CNTN3: variants seen among roughly 807,000 people sequenced by gnomAD.
CNTN3 encodes contactin 3.
Under a neutral mutation model 119.1 loss-of-function variants are expected in CNTN3, and 60 were observed. The observed-to-expected ratio is 0.50, with a 90% CI of 0.41 to 0.62. The LOEUF (loss-of-function observed/expected upper bound fraction) is 0.62. CNTN3 is among the 20% of genes least tolerant of loss of function. The pLI, the probability that CNTN3 is intolerant of heterozygous loss-of-function variation, is 0.00. For synonymous variants in CNTN3, 450 were observed against 438.7 expected (o/e 1.03, Z -0.32); for missense variants, 1,101 against 1,242.4 (o/e 0.89, Z 1.71).
chr3:74,266,599 A>T lies in CNTN3; in HGVS notation c.2868T>A (p.Asn956Lys). 1 of 1,613,548 alleles carries T rather than the reference A, an allele frequency of 6.2e-7. No individual in the cohort carries two copies. Among genetic ancestry groups the T allele is most frequent in the Non-Finnish European group, 8.5e-7 (1 of 1,179,596 alleles). ...SQNNVQVLNT[N>K]KTSAELVLPI... Reference sequence around the variant, plus strand: ...GCAGCACAAGTTCAGCTGAAGTTTTATTTGTGTTCAGTACTTGTACGTTAT... The same window carrying T: ...GCAGCACAAGTTCAGCTGAAGTTTTTTTTGTGTTCAGTACTTGTACGTTAT... Residue 956 changes from asparagine to lysine, a missense_variant, in exon 22 of 23, where the codon AAT becomes AAA. Asn to Lys is a moderately conservative substitution (Grantham distance 94). Coordinates refer to ENST00000263665, the MANE Select transcript of CNTN3 (RefSeq NM_020872.3).
At chr3:74,305,617 A>G (rs181703875) in intron 13 of CNTN3, among the ~76,000 whole-genome samples, 61 of 152,126 alleles carry the variant, frequency 4.0e-4, no homozygotes, top group African/African-American at 1.4e-3. Flanking sequence ...GAGTTTCAAA[A>G]GCGTGAAGGA....
At chr3:74,331,605 G>C (rs1238170594) in intron 13 of CNTN3, among the ~76,000 whole-genome samples, 1 of 152,168 alleles carries the variant, frequency 6.6e-6, no homozygotes, top group Non-Finnish European at 1.5e-5. Flanking sequence ...TTGTGTATCT[G>C]AATACAAATC....
In CNTN3 at chr3:74,339,892, CAGATAGATAGATAGAT is replaced by C. The variant is rs55925924; in HGVS notation, c.1365-3250_1365-3235del. On this transcript the variant is annotated intron_variant, in intron 11 of 22. Transcript: ENST00000263665. ...CATATATGTGTGAACTAATTGGATA[CAGATAGATAGATAGAT>C]AGATAGATAGATAGATAGATAGATA... 1.7e-3 allele frequency among the ~76,000 whole-genome samples: 258 copies of C among 149,854 alleles called. 1 individual carries two copies. The highest frequency in any genetic ancestry group is 3.4e-3 in the East Asian group (17 of 5,042).
intron 1 of CNTN3, among the ~76,000 whole-genome samples, chr3:74,607,738 C>A (rs1319794597): frequency 6.6e-6 from 1 of 152,086 alleles, no homozygotes; most frequent in East Asian, 1.9e-4. Flanking sequence ...GGAAAAAGAT[C>A]CATGGAAGTG....
chr3:74,538,635 T>A lies in CNTN3; in HGVS notation c.-80-17443A>T, dbSNP rs1043512644. ...TTGAATAAATAAAGGTTGTTATCAT[T>A]TGAGCATTTTGAAAACATACATATT... On this transcript the variant is annotated intron_variant, in intron 1 of 22. Transcript: ENST00000263665. 3.3e-5 allele frequency among the ~76,000 whole-genome samples: 5 copies of A among 152,184 alleles called. No individual in the cohort carries two copies. In the South Asian group the frequency reaches 8.3e-4, roughly 25 times the overall value.
intron 5 of CNTN3, among the ~76,000 whole-genome samples, chr3:74,420,250 A>G (rs1338586874): frequency 6.6e-6 from 1 of 152,196 alleles, no homozygotes; most frequent in Non-Finnish European, 1.5e-5. Flanking sequence ...ACAATTTTTT[A>G]TTATTATAGT....
chr3:74,551,735 G>GCTT lies in CNTN3; in HGVS notation c.-80-30546_-80-30544dup, dbSNP rs1222577076. ...TTTAGTATGTAGTCTTCACAGATCT[G>GCTT]CTTCTTCTTCTTCTTCTTCTTTTTT... On this transcript the variant is annotated intron_variant, in intron 1 of 22. Transcript: ENST00000263665. Among the ~76,000 whole-genome samples the GCTT allele has an allele frequency of 8.5e-4, 110 of 129,622 alleles. 1 individual carries two copies. The highest frequency in any genetic ancestry group is 5.7e-3 in the Admixed American group (70 of 12,272). 85.0% of individuals were successfully genotyped at this position (129,622 alleles called of 152,430 possible).
chr3:74,370,799 C>T (rs1704315918), intron 6 of CNTN3, among the ~76,000 whole-genome samples: 1 of 152,066 alleles, frequency 6.6e-6, no homozygotes, highest in Non-Finnish European at 1.5e-5. Flanking sequence ...TAGCCTATAA[C>T]AAAATATCCA....
At chr3:74,483,848 T>C (rs769983550) in intron 4 of CNTN3, among the ~76,000 whole-genome samples, 1 of 151,996 alleles carries the variant, frequency 6.6e-6, no homozygotes, top group Non-Finnish European at 1.5e-5. Flanking sequence ...TTCAACAACT[T>C]CACCCCACTC....
intron 1 of CNTN3, among the ~76,000 whole-genome samples, chr3:74,593,723 G>C (rs551954653): frequency 6.6e-6 from 1 of 151,924 alleles, no homozygotes; most frequent in Non-Finnish European, 1.5e-5. Context: ...AATTGTTTAC[G>C]GGTCTGTTTC....
chr3:74,329,733 A>C (rs2106696081), intron 13 of CNTN3, among the ~76,000 whole-genome samples: 1 of 152,338 alleles, frequency 6.6e-6, no homozygotes, highest in African/African-American at 2.4e-5. Context: ...TCTATTTAAA[A>C]GTAAGGAAAC....
chr3:74,272,522 GA>G lies in CNTN3; in HGVS notation c.2705-5145del, dbSNP rs565465596. Among the ~76,000 whole-genome samples the G allele has an allele frequency of 1.3e-4, 20 of 152,182 alleles. 1 individual carries two copies. In the East Asian group the frequency reaches 2.9e-3, roughly 22 times the overall value. On this transcript the variant is annotated intron_variant, in intron 20 of 22. Transcript: ENST00000263665. ...ACTTTGCTGAAGCCCATAGATGGGG[GA>G]AAAAAACACCCTCCTGAATCTGAGG...
intron 13 of CNTN3, among the ~76,000 whole-genome samples, chr3:74,315,595 T>C (rs892474389): frequency 1.4e-4 from 22 of 152,150 alleles, no homozygotes; most frequent in Non-Finnish European, 3.2e-4. Flanking sequence ...ATGTCTCCTC[T>C]CAGACCGTAA....
At chr3:74,424,424 A>G (rs1426728954) in intron 5 of CNTN3, among the ~76,000 whole-genome samples, 1 of 150,460 alleles carries the variant, frequency 6.6e-6, no homozygotes, top group Non-Finnish European at 1.5e-5. Flanking sequence ...ATACATATAT[A>G]AAGAGGCTTA....
At chr3:74,455,982 A>G (rs1314779002) in intron 4 of CNTN3, among the ~76,000 whole-genome samples, 1 of 152,104 alleles carries the variant, frequency 6.6e-6, no homozygotes, top group African/African-American at 2.4e-5. Context: ...TAACTGGTTT[A>G]TGCCATAGAT....
At chr3:74,489,512 A>C (rs1702923370) in intron 3 of CNTN3, among the ~76,000 whole-genome samples, 1 of 150,278 alleles carries the variant, frequency 6.7e-6, no homozygotes, top group South Asian at 2.1e-4. Context: ...ACATTTATGA[A>C]GTGTCTATAC....
chr3:74,280,413 G>C (rs1268081525), intron 20 of CNTN3, among the ~76,000 whole-genome samples: 4 of 152,166 alleles, frequency 2.6e-5, no homozygotes, highest in African/African-American at 4.8e-5. Flanking sequence ...TGTGTTTCAG[G>C]CCAGGCTGGT....
At chr3:74,557,458 C>T (rs976443919) in intron 1 of CNTN3, among the ~76,000 whole-genome samples, 2 of 152,102 alleles carry the variant, frequency 1.3e-5, no homozygotes, top group African/African-American at 4.8e-5. Flanking sequence ...GGACATCGTA[C>T]ACACCCTGAG....
intron 1 of CNTN3, among the ~76,000 whole-genome samples, chr3:74,613,168 T>A (rs1250101958): frequency 6.6e-6 from 1 of 152,204 alleles, no homozygotes; most frequent in East Asian, 1.9e-4. Context: ...TCTGATTAAT[T>A]CCTGTTTTTA....
Sources: allele counts gnomAD v4.1 joint callset (sites outside exome capture counted in the v4.1 genomes callset), GRCh38; gene constraint gnomAD v4.1.1; transcripts MANE v1.5; gene names NCBI Gene and HGNC (gene_info 2026-07-23, HGNC 2026-07-21).